Variants in TOGARAM1 observed in about 807,000 individuals in gnomAD.
TOGARAM1 encodes the protein TOG array regulator of axonemal microtubules 1, also known as TOG array regulator of axonemal microtubules protein 1.
In TOGARAM1, 100 loss-of-function variants were observed where a neutral mutation model predicts 166.6. The observed-to-expected ratio is 0.60, with a 90% confidence interval of 0.51 to 0.71. The LOEUF is 0.71. Ranked by LOEUF, TOGARAM1 falls within the 30% of genes least tolerant of loss-of-function variation. The pLI is 0.00. For synonymous variants in TOGARAM1, 758 were observed against 763.8 expected, an observed-to-expected ratio of 0.99 and a Z score of 0.13; for missense variants, 2,029 against 2,102.7, an observed-to-expected ratio of 0.96 and a Z score of 0.69.
chr14:45,018,084 C>A (rs1438816567), intron 7 of TOGARAM1, among the ~76,000 whole-genome samples: 1 of 152,016 alleles, frequency 6.6e-6, no homozygotes, highest in African/African-American at 2.4e-5. Flanking sequence ...GTAATTGTGG[C>A]TTTTGCCATT....
chr14:44,981,146 T>C (rs535570074), intron 1 of TOGARAM1, among the ~76,000 whole-genome samples: 14 of 152,250 alleles, frequency 9.2e-5, no homozygotes, highest in South Asian at 2.1e-4. Context: ...GGGGGAAATA[T>C]GAATTTTTGG....
chr14:45,043,640 T>C (rs367890439), intron 11 of TOGARAM1, 46 bp from the exon 12 acceptor site: 10 of 1,012,720 alleles, frequency 9.9e-6, no homozygotes, highest in Non-Finnish European at 1.4e-5. Context: ...CCTGTTCCAG[T>C]TGAGTCCCAT....
chr14:45,004,023 T>C, intron 3 of TOGARAM1, 38 bp from the exon 4 acceptor site: 2 of 1,534,000 alleles, frequency 1.3e-6, no homozygotes, highest in Non-Finnish European at 1.8e-6. Flanking sequence ...TTAAACTGTG[T>C]ATACATAAAT....
rs35780816 is a variant in TOGARAM1, at chr14:44,964,951, TA to T, written c.2046+506del. 5.2e-4 allele frequency among the ~76,000 whole-genome samples: 45 copies of T among 85,878 alleles called. No homozygotes were observed. In the East Asian group the frequency reaches 5.5e-3, roughly 11 times the overall value. 56.3% of individuals were successfully genotyped at this position (85,878 alleles called of 152,430 possible). ...AGAAAAACTAATTCCACTAGAAAAGTAAAAAAAAAAAAAAAAAAAAAAGGAA... is the reference window on the plus strand; with the variant it reads ...AGAAAAACTAATTCCACTAGAAAAGTAAAAAAAAAAAAAAAAAAAAAGGAA... On this transcript the variant is annotated intron_variant, in intron 1 of 19. Coordinates refer to ENST00000361462, the MANE Select transcript of TOGARAM1 (RefSeq NM_001308120.2).
intron 5 of TOGARAM1, among the ~76,000 whole-genome samples, chr14:45,008,394 A>C (rs532520094): frequency 2.0e-4 from 30 of 152,224 alleles, no homozygotes; most frequent in African/African-American, 7.0e-4. Context: ...GTCCACCACC[A>C]TGCCCAGCTG....
intron 10 of TOGARAM1, among the ~76,000 whole-genome samples, chr14:45,030,130 G>GT (rs956866159): frequency 1.4e-4 from 22 of 151,746 alleles, no homozygotes; most frequent in African/African-American, 4.4e-4. Flanking sequence ...AACAGTGGAA[G>GT]TTTTTAAAAA....
chr14:44,999,248 T>C (rs895851178), intron 2 of TOGARAM1, 115 bp from the exon 3 acceptor site: 4 of 1,104,936 alleles, frequency 3.6e-6, no homozygotes, highest in Non-Finnish European at 5.0e-6. Flanking sequence ...CTCACTGTAC[T>C]TAAACACTTA....
intron 16 of TOGARAM1, among the ~76,000 whole-genome samples, chr14:45,063,479 GTTTT>G (rs373702236): frequency 2.0e-4 from 24 of 118,678 alleles, no homozygotes; most frequent in African/African-American, 2.2e-4. Context: ...ATTTGACAAA[GTTTT>G]TTTTTTTTTT....
At chr14:45,002,313 G>A (rs894058243) in intron 3 of TOGARAM1, among the ~76,000 whole-genome samples, 9 of 152,054 alleles carry the variant, frequency 5.9e-5, no homozygotes, top group Admixed American at 3.3e-4. Context: ...TTCCTGTTTA[G>A]GCTATCCCTG....
At chr14:45,011,881 CTG>C (rs1250258849) in intron 6 of TOGARAM1, 92 bp from the exon 7 acceptor site, 2 of 832,622 alleles carry the variant, frequency 2.4e-6, no homozygotes, top group Non-Finnish European at 3.8e-6. Context: ...TCTAAAAGGT[CTG>C]TGAGTTAATA....
chr14:44,991,444 A>G (rs1305083317), intron 1 of TOGARAM1, among the ~76,000 whole-genome samples: 6 of 152,196 alleles, frequency 3.9e-5, no homozygotes, highest in Non-Finnish European at 5.9e-5. Flanking sequence ...GTTCCATCAA[A>G]GGAGAGTGGC....
intron 8 of TOGARAM1, among the ~76,000 whole-genome samples, chr14:45,026,157 G>A (rs973321738): frequency 1.3e-5 from 2 of 152,024 alleles, no homozygotes; most frequent in African/African-American, 4.8e-5. Context: ...AGCTTACTTA[G>A]TTTTAGCATA....
At chr14:45,041,857 G>A (rs1475838651) in intron 11 of TOGARAM1, among the ~76,000 whole-genome samples, 2 of 152,044 alleles carry the variant, frequency 1.3e-5, no homozygotes, top group Admixed American at 6.5e-5. Flanking sequence ...GACCTCTGTG[G>A]GCTCAGGTGA....
Position 44,964,471 on chromosome 14 carries a change from T to A in TOGARAM1, c.2046+4T>A. ...CACTTCCAAGGATATAGAGCAGGTA[T>A]GCTTCTCTAATTTTCTTGAGTCGAA... On this transcript the variant is annotated splice_donor_region_variant and intron_variant, in intron 1 of 19. Transcript: ENST00000361462. 2 of 1,530,994 alleles carry A rather than the reference T, an allele frequency of 1.3e-6. No homozygotes were observed. The highest frequency in any genetic ancestry group is 1.8e-6 in the Non-Finnish European group (2 of 1,140,258). The allele number at this position is 1,530,994 out of a possible 1,614,324, so 94.8% of individuals were successfully genotyped here.
chr14:44,994,047 A>G (rs1395354863), intron 1 of TOGARAM1, among the ~76,000 whole-genome samples: 1 of 152,200 alleles, frequency 6.6e-6, no homozygotes, highest in Admixed American at 6.5e-5. Flanking sequence ...ACTACTGTAT[A>G]ATCAATCATG....
chr14:45,070,891 A>G (rs1312895497), intron 18 of TOGARAM1, among the ~76,000 whole-genome samples: 2 of 151,940 alleles, frequency 1.3e-5, no homozygotes, highest in African/African-American at 2.4e-5. Flanking sequence ...CAGTAAATGT[A>G]AAAACTGCTT....
At chr14:44,985,615 A>G (rs1324073487) in intron 1 of TOGARAM1, among the ~76,000 whole-genome samples, 2 of 152,216 alleles carry the variant, frequency 1.3e-5, no homozygotes, top group Non-Finnish European at 2.9e-5. Flanking sequence ...CAGGAGGCAG[A>G]GCTCAGGCAA....
chr14:45,032,210 T>C lies in TOGARAM1; in HGVS notation c.3659-13T>C, dbSNP rs1042617437. 1 of 1,589,224 alleles carries C rather than the reference T, an allele frequency of 6.3e-7. No homozygotes were observed. The highest frequency in any genetic ancestry group is 8.5e-7 in the Non-Finnish European group (1 of 1,173,510). On this transcript the variant is annotated splice_polypyrimidine_tract_variant and intron_variant, in intron 10 of 19. Coordinates refer to ENST00000361462, the MANE Select transcript of TOGARAM1 (RefSeq NM_001308120.2). ...AGGTTCTCTCATAGTTTATTTAATGTATTTTGTTTTAGGTGAAACACCTAC... is the reference window on the plus strand; with the variant it reads ...AGGTTCTCTCATAGTTTATTTAATGCATTTTGTTTTAGGTGAAACACCTAC...
At chr14:44,996,076 G>C in intron 2 of TOGARAM1, 174 bp downstream of exon 2, 2 of 444,184 alleles carry the variant, frequency 4.5e-6, no homozygotes, top group South Asian at 1.2e-4. Context: ...ATAAAACCCT[G>C]GAGGGTTTCT....
Sources: gnomAD v4.1 joint callset for allele counts (sites outside exome capture counted in the v4.1 genomes callset) on GRCh38, gnomAD v4.1.1 for gene constraint, MANE v1.5 for transcripts, NCBI Gene and HGNC (gene_info 2026-07-23, HGNC 2026-07-21) for gene names.